Variants in TSHZ1 observed in about 807,000 individuals in gnomAD.
TSHZ1 encodes teashirt zinc finger homeobox 1.
Under a neutral mutation model 67.1 loss-of-function variants are expected in TSHZ1, and 12 were observed. The ratio of observed to expected loss-of-function variants is 0.18; its 90% confidence interval spans 0.11 to 0.29. TSHZ1 has a LOEUF of 0.29. TSHZ1 is among the 10% of genes least tolerant of loss of function. TSHZ1 has a pLI of 1.00. For synonymous variants in TSHZ1, 632 were observed against 622.4 expected (o/e 1.02, Z -0.23); for missense variants, 1,305 against 1,413.9 (o/e 0.92, Z 1.23).
chr18:75,255,552 A>G (rs1227797280), intron 1 of TSHZ1, among the ~76,000 whole-genome samples: 1 of 152,176 alleles, frequency 6.6e-6, no homozygotes, highest in Non-Finnish European at 1.5e-5. Context: ...TTTATATGTG[A>G]TACAATATCT....
intron 1 of TSHZ1, among the ~76,000 whole-genome samples, chr18:75,278,026 C>A (rs1039232032): frequency 6.6e-6 from 1 of 152,094 alleles, no homozygotes; most frequent in African/African-American, 2.4e-5. Context: ...ATCTCTCTCT[C>A]CTTCTGCCAC....
intron 1 of TSHZ1, among the ~76,000 whole-genome samples, chr18:75,224,089 CT>C (rs57507792): frequency 0.015 from 2,042 of 133,120 alleles, 47 homozygotes; most frequent in African/African-American, 0.046. Context: ...AAGATCCTCA[CT>C]TTTTTTTTTT....
chr18:75,280,246 A>G (rs972772840), intron 1 of TSHZ1, among the ~76,000 whole-genome samples: 1 of 152,180 alleles, frequency 6.6e-6, no homozygotes, highest in Non-Finnish European at 1.5e-5. Flanking sequence ...GACATCTTGT[A>G]TAAGGGACAT....
Position 75,288,119 on chromosome 18 carries a change from C to T in TSHZ1, c.2712C>T (p.Phe904=), listed in dbSNP as rs200403332. 187 of 1,613,662 alleles carry T rather than the reference C, an allele frequency of 1.2e-4. No homozygotes were observed. The highest frequency in any genetic ancestry group is 1.4e-4 in the Non-Finnish European group (165 of 1,180,038). ...ACCTTCTCATCCTGCAGGCCCAGTT[C>T]GCCTCGAGCTTGCGGGAGACCACAG... ...PQHLLILQAQ[F]ASSLRETTEG... The change falls in exon 2 of 2, where the codon TTC becomes TTT. Residue 904 remains phenylalanine (F), a synonymous_variant. Transcript: ENST00000580243. The surrounding 1 kb of genome is among the most constrained non-coding windows in gnomAD (Gnocchi z 4.9).
intron 1 of TSHZ1, among the ~76,000 whole-genome samples, chr18:75,266,102 C>T (rs764278334): frequency 4.6e-5 from 7 of 152,142 alleles, no homozygotes; most frequent in East Asian, 3.9e-4. Context: ...GGTGAGTGAT[C>T]GATGCTGTCC....
chr18:75,266,555 A>G (rs2023492824), intron 1 of TSHZ1, among the ~76,000 whole-genome samples: 1 of 152,236 alleles, frequency 6.6e-6, no homozygotes, highest in African/African-American at 2.4e-5. Flanking sequence ...GAAGCACAAC[A>G]GAGGATAGGA....
chr18:75,288,477 G>A lies in TSHZ1; in HGVS notation c.3070G>A (p.Gly1024Ser), dbSNP rs764987740. 3 of 1,614,000 alleles carry A rather than the reference G, an allele frequency of 1.9e-6. No homozygotes were observed. The highest frequency in any genetic ancestry group is 1.3e-5 in the African/African-American group (1 of 74,906). ...VSKVLTNKTLGPLGATEEDLG... is the reference protein window; with the variant it reads ...VSKVLTNKTLSPLGATEEDLG... ...GAAAGTCCTCACCAACAAAACTCTG[G>A]GCCCACTGGGGGCCACCGAGGAAGA... The change falls in exon 2 of 2, where the codon GGC becomes AGC. Residue 1024 changes from glycine (G) to serine (S), a missense_variant. Around this residue, in one of 3 missense-constraint regions of TSHZ1, gnomAD observed 909 missense variants for 961.8 expected, o/e 0.95. Coordinates refer to ENST00000580243, the MANE Select transcript of TSHZ1 (RefSeq NM_001308210.2). The surrounding 1 kb of genome is among the most constrained non-coding windows in gnomAD (Gnocchi z 4.9).
At chr18:75,244,158 C>CAT (rs2023193493) in intron 1 of TSHZ1, among the ~76,000 whole-genome samples, 1 of 152,100 alleles carries the variant, frequency 6.6e-6, no homozygotes, top group South Asian at 2.1e-4. Flanking sequence ...GGGGAATAGG[C>CAT]ATCGTGCTCG....
chr18:75,287,716 C>T lies in TSHZ1; in HGVS notation c.2309C>T (p.Pro770Leu). The T allele has an allele frequency of 2.5e-6, 4 of 1,614,164 alleles. No individual in the cohort carries two copies. The highest frequency in any genetic ancestry group is 3.4e-6 in the Non-Finnish European group (4 of 1,180,040). ...VSKPVSPSLD[P>L]LAMLYKISNS... is the part of the protein sequence containing the mutation. ...AAGCCCGTGAGTCCCTCGCTGGACC[C>T]GCTGGCGATGCTGTACAAGATCAGC... Residue 770 changes from proline (P) to leucine (L), a missense_variant, in exon 2 of 2, where the codon CCG (proline) becomes CTG (leucine). Coordinates refer to ENST00000580243, the MANE Select transcript of TSHZ1 (RefSeq NM_001308210.2). The surrounding 1 kb of genome is among the most constrained non-coding windows in gnomAD (Gnocchi z 5.0).
At chr18:75,218,688 C>T (rs1402756165) in intron 1 of TSHZ1, among the ~76,000 whole-genome samples, 2 of 152,190 alleles carry the variant, frequency 1.3e-5, no homozygotes, top group Admixed American at 6.5e-5. Context: ...CCTGCACCCA[C>T]GTCAGTTCTT....
rs1006116155 is a variant in TSHZ1, at chr18:75,289,562, T to C, written c.*921T>C. The C allele has an allele frequency of 6.0e-6, 1 of 167,136 alleles. No individual in the cohort carries two copies. Among genetic ancestry groups the C allele is most frequent in the African/African-American group, 2.4e-5 (1 of 41,476 alleles). 10.4% of individuals were successfully genotyped at this position (167,136 alleles called of 1,614,324 possible). ...TTGCCAGCATCAGCTTAAAAACTCCTGTATGTTACATATCGTACCATTTTA... is the reference window on the plus strand; with the variant it reads ...TTGCCAGCATCAGCTTAAAAACTCCCGTATGTTACATATCGTACCATTTTA... On this transcript the variant is annotated 3_prime_UTR_variant, in exon 2 of 2. Coordinates refer to ENST00000580243, the MANE Select transcript of TSHZ1 (RefSeq NM_001308210.2).
At chr18:75,235,937 A>ACACTGTCTT (rs1167931152) in intron 1 of TSHZ1, among the ~76,000 whole-genome samples, 1 of 152,228 alleles carries the variant, frequency 6.6e-6, no homozygotes, top group East Asian at 1.9e-4. Context: ...TGCGGCGTTG[A>ACACTGTCTT]CACTGTCTTC....
chr18:75,246,946 C>T (rs1568359357), intron 1 of TSHZ1, among the ~76,000 whole-genome samples: 1 of 152,110 alleles, frequency 6.6e-6, no homozygotes, highest in Non-Finnish European at 1.5e-5. Flanking sequence ...AGTACTAAAG[C>T]CCTGCTTGAA....
At chr18:75,258,644 T>A (rs562672029) in intron 1 of TSHZ1, among the ~76,000 whole-genome samples, 5 of 152,328 alleles carry the variant, frequency 3.3e-5, no homozygotes, top group African/African-American at 1.2e-4. Context: ...CATACTAGAC[T>A]TTACTAAGGT....
chr18:75,238,680 A>C (rs1478675186), intron 1 of TSHZ1, among the ~76,000 whole-genome samples: 1 of 152,118 alleles, frequency 6.6e-6, no homozygotes, highest in Non-Finnish European at 1.5e-5. Context: ...GTGTCTTCTT[A>C]AGAAAAAAGT....
chr18:75,221,085 A>G (rs2022839517), intron 1 of TSHZ1: 1 of 152,152 alleles, frequency 6.6e-6, no homozygotes, highest in Non-Finnish European at 1.5e-5. Context: ...TACATACTGA[A>G]TCGGATGTGC....
At chr18:75,253,124 C>T (rs9950447) in intron 1 of TSHZ1, among the ~76,000 whole-genome samples, 2,296 of 152,212 alleles carry the variant, frequency 0.015, 39 homozygotes, top group Middle Eastern at 0.054. Flanking sequence ...CAGAGGTAAT[C>T]GCCTAGGTTA....
chr18:75,249,956 G>A (rs372047608), intron 1 of TSHZ1, among the ~76,000 whole-genome samples: 1 of 128,000 alleles, frequency 7.8e-6, no homozygotes, highest in African/African-American at 3.1e-5. Context: ...CCTCTTCCTC[G>A]TCTCACCCCT....
Position 75,286,792 on chromosome 18 carries a change from A to G in TSHZ1, c.1385A>G (p.Glu462Gly). The change falls in exon 2 of 2, where the codon GAA becomes GGA. Residue 462 changes from glutamate (E) to glycine (G), a missense_variant. Glu to Gly is a moderately conservative substitution (Grantham distance 98, BLOSUM62 -2). Coordinates refer to ENST00000580243, the MANE Select transcript of TSHZ1 (RefSeq NM_001308210.2). This position sits in a 1 kb window ranked among gnomAD's most constrained non-coding sequence, Gnocchi z 5.1. ...CAGTTGGTGCTGGACCCTGTGGTGG[A>G]AGAGAAGATCCAGTCCATCCCACTA... is the stretch of plus-strand genomic sequence containing the variant. ...GKQLVLDPVV[E>G]EKIQSIPLPP... 6.2e-7 allele frequency: 1 copy of G among 1,613,720 alleles called. No individual in the cohort carries two copies. The highest frequency in any genetic ancestry group is 1.1e-5 in the South Asian group (1 of 91,072).
Sources: allele counts gnomAD v4.1 joint callset (sites outside exome capture counted in the v4.1 genomes callset), GRCh38; gene constraint gnomAD v4.1.1; regional missense constraint gnomAD v4.1.1; non-coding constraint Gnocchi (gnomAD v3.1); transcripts MANE v1.5; gene names NCBI Gene and HGNC (gene_info 2026-07-23, HGNC 2026-07-21).